The following ATF6 variants were observed in gnomAD, a reference collection of about 807,000 sequenced individuals.
ATF6 encodes the protein cyclic AMP-dependent transcription factor ATF-6 alpha.
Under a neutral mutation model 83.6 loss-of-function variants are expected in ATF6, and 53 were observed. The observed-to-expected ratio is 0.63, with a 90% CI of 0.51 to 0.80. The LOEUF (loss-of-function observed/expected upper bound fraction) is 0.80, where lower values mean the gene tolerates loss of function less well. ATF6 is among the 30% of genes least tolerant of loss of function. ATF6 has a pLI of 0.00. For synonymous variants in ATF6, 288 were observed against 285.8 expected, an observed-to-expected ratio of 1.01 and a Z score of -0.08; for missense variants, 744 against 797.9, an observed-to-expected ratio of 0.93 and a Z score of 0.81.
intron 14 of ATF6, among the ~76,000 whole-genome samples, chr1:161,894,504 A>G (rs1339138039): frequency 7.4e-6 from 1 of 135,328 alleles, no homozygotes; most frequent in Non-Finnish European, 1.6e-5. Context: ...TATTAGAGGC[A>G]ACATTTGTTT....
intron 14 of ATF6, among the ~76,000 whole-genome samples, chr1:161,895,513 A>G (rs1360089300): frequency 2.0e-5 from 3 of 152,256 alleles, no homozygotes; most frequent in African/African-American, 7.2e-5. Context: ...CAGATAACAG[A>G]TACATCCATT....
At chr1:161,797,857 G>C (rs548378139) in intron 6 of ATF6, among the ~76,000 whole-genome samples, 1 of 152,234 alleles carries the variant, frequency 6.6e-6, no homozygotes, top group African/African-American at 2.4e-5. Context: ...AGCCTAAATA[G>C]CCAAAGCAGC....
intron 7 of ATF6, among the ~76,000 whole-genome samples, chr1:161,806,844 T>G (rs541574296): frequency 2.5e-4 from 38 of 152,262 alleles, no homozygotes; most frequent in African/African-American, 8.9e-4. Flanking sequence ...CATACCAAAT[T>G]AGAACTTTGT....
chr1:161,846,069 A>G (rs1162230673), intron 9 of ATF6, among the ~76,000 whole-genome samples: 2 of 152,130 alleles, frequency 1.3e-5, no homozygotes, highest in Non-Finnish European at 2.9e-5. Context: ...TGAAAACACC[A>G]GTTTGCACCA....
chr1:161,847,122 A>G (rs980673606), intron 10 of ATF6, among the ~76,000 whole-genome samples: 23 of 152,118 alleles, frequency 1.5e-4, no homozygotes, highest in African/African-American at 5.6e-4. Context: ...TGCAATTTCT[A>G]TATTATGTTA....
At chr1:161,893,265 C>G (rs1386541818) in intron 14 of ATF6, among the ~76,000 whole-genome samples, 1 of 151,964 alleles carries the variant, frequency 6.6e-6, no homozygotes, top group African/African-American at 2.4e-5. Flanking sequence ...CTCCCAGGTT[C>G]AAGGGATTCT....
intron 15 of ATF6, among the ~76,000 whole-genome samples, chr1:161,948,618 A>G (rs1023935026): frequency 3.9e-5 from 6 of 152,252 alleles, no homozygotes; most frequent in African/African-American, 1.4e-4. Context: ...ATGACTCAAC[A>G]GGTGATTAGA....
intron 15 of ATF6, among the ~76,000 whole-genome samples, chr1:161,935,234 G>C (rs570257585): frequency 6.6e-6 from 1 of 152,240 alleles, no homozygotes; most frequent in East Asian, 1.9e-4. Flanking sequence ...GAGATAGGTA[G>C]GTATAGATGT....
intron 15 of ATF6, among the ~76,000 whole-genome samples, chr1:161,957,722 A>G (rs1333083006): frequency 4.6e-5 from 7 of 152,228 alleles, no homozygotes; most frequent in Non-Finnish European, 8.8e-5. Context: ...CTTACCTGCA[A>G]GTTCTGTAGA....
intron 14 of ATF6, among the ~76,000 whole-genome samples, chr1:161,909,104 A>G (rs1467563269): frequency 1.3e-5 from 2 of 152,244 alleles, no homozygotes; most frequent in Non-Finnish European, 2.9e-5. Flanking sequence ...CCAAAATAAT[A>G]GTGGCTTAGA....
chr1:161,870,874 A>G (rs1687109444), intron 14 of ATF6, among the ~76,000 whole-genome samples: 1 of 151,756 alleles, frequency 6.6e-6, no homozygotes. Flanking sequence ...CTGAGTCATG[A>G]TAATTTTTCA....
chr1:161,819,358 G>A (rs1275630603), intron 7 of ATF6, among the ~76,000 whole-genome samples: 1 of 152,118 alleles, frequency 6.6e-6, no homozygotes, highest in East Asian at 1.9e-4. Flanking sequence ...CTTTCTGAGG[G>A]AGTTTCTAAG....
intron 15 of ATF6, among the ~76,000 whole-genome samples, chr1:161,933,006 A>T (rs1688464766): frequency 6.6e-6 from 1 of 152,202 alleles, no homozygotes; most frequent in Admixed American, 6.5e-5. Context: ...TCCAAGATGG[A>T]AGCCATAGTA....
At chr1:161,853,353 T>G in intron 12 of ATF6, 30 bp downstream of exon 12, 1 of 1,557,898 alleles carries the variant, frequency 6.4e-7, no homozygotes. Context: ...TGAACAATAG[T>G]TGGCGTATTT....
At chr1:161,946,943 A>T (rs1442096578) in intron 15 of ATF6, among the ~76,000 whole-genome samples, 1 of 152,230 alleles carries the variant, frequency 6.6e-6, no homozygotes, top group Non-Finnish European at 1.5e-5. Flanking sequence ...TTCACTGTTC[A>T]ATTTTCTAAA....
chr1:161,924,098 A>G (rs530133686), intron 15 of ATF6, among the ~76,000 whole-genome samples: 5 of 152,190 alleles, frequency 3.3e-5, no homozygotes, highest in Non-Finnish European at 7.3e-5. Flanking sequence ...CACTTCATAT[A>G]ATCTCAAGTT....
chr1:161,894,986 C>G (rs1387615983), intron 14 of ATF6, among the ~76,000 whole-genome samples: 1 of 152,008 alleles, frequency 6.6e-6, no homozygotes, highest in African/African-American at 2.4e-5. Context: ...TGCCTGTAAT[C>G]CCAGCACTTT....
intron 7 of ATF6, among the ~76,000 whole-genome samples, chr1:161,807,684 A>T (rs556423384): frequency 1.3e-5 from 2 of 152,082 alleles, no homozygotes; most frequent in Non-Finnish European, 2.9e-5. Flanking sequence ...GCTTCTAAAA[A>T]TTTATCTTGA....
At chr1:161,821,383 T>C (rs1009243077) in intron 9 of ATF6, among the ~76,000 whole-genome samples, 16 of 152,000 alleles carry the variant, frequency 1.1e-4, no homozygotes, top group Admixed American at 4.6e-4. Context: ...ATAATAACAG[T>C]GTGAATGAGT....
Sources: gnomAD v4.1 joint callset for allele counts (sites outside exome capture counted in the v4.1 genomes callset) on GRCh38, gnomAD v4.1.1 for gene constraint, MANE v1.5 for transcripts, NCBI Gene and HGNC (gene_info 2026-07-23, HGNC 2026-07-21) for gene names.